Variants in CELF2 observed in about 807,000 individuals in gnomAD.
CELF2 encodes the protein CUG triplet repeat RNA-binding protein 2.
In CELF2, 8 loss-of-function variants were observed where a neutral mutation model predicts 62.6. The ratio of observed to expected loss-of-function variants is 0.13; its 90% CI spans 0.07 to 0.23. The LOEUF is 0.23. CELF2 is among the 10% of genes least tolerant of loss of function. CELF2 has a pLI of 1.00. For synonymous variants in CELF2, 258 were observed against 250.0 expected, an observed-to-expected ratio of 1.03 and a Z score of -0.30; for missense variants, 333 against 671.0, an observed-to-expected ratio of 0.50 and a Z score of 5.56.
At chr10:10,836,497 C>A (rs536675487) in intron 1 of CELF2, among the ~76,000 whole-genome samples, 1 of 152,152 alleles carries the variant, frequency 6.6e-6, no homozygotes, top group Non-Finnish European at 1.5e-5. Context: ...CAGGCAGAAG[C>A]CTTTCTAGAT....
chr10:11,229,657 TTGGCTCACTGCAACCTCCACC>T (rs1250222469), intron 3 of CELF2, among the ~76,000 whole-genome samples: 1 of 151,936 alleles, frequency 6.6e-6, no homozygotes, highest in Non-Finnish European at 1.5e-5. Flanking sequence ...TGGCGCAATC[TTGGCTCACTGCAACCTCCACC>T]TCCCAGGTTC....
chr10:10,655,442 GGA>G, the CELF2 span, among the ~76,000 whole-genome samples: 2 of 127,558 alleles, frequency 1.6e-5, no homozygotes, highest in East Asian at 4.0e-4. Context: ...GAACAAAGCT[GGA>G]GGCATCACAC....
At chr10:10,687,812 C>A in the CELF2 span, among the ~76,000 whole-genome samples, 1 of 152,340 alleles carries the variant, frequency 6.6e-6, no homozygotes, top group Non-Finnish European at 1.5e-5. Flanking sequence ...TGTTTACACT[C>A]TCCTACCCAC....
intron 2 of CELF2, among the ~76,000 whole-genome samples, chr10:10,966,063 A>C (rs2050091795): frequency 6.6e-6 from 1 of 152,256 alleles, no homozygotes; most frequent in African/African-American, 2.4e-5. Flanking sequence ...ATTTACTGCT[A>C]TCCAGCACCA....
the CELF2 span, among the ~76,000 whole-genome samples, chr10:10,673,836 G>T: frequency 6.6e-6 from 1 of 152,070 alleles, no homozygotes; most frequent in Admixed American, 6.6e-5. Context: ...TGATTTTCCA[G>T]CTCTCTTTTA....
At chr10:10,914,130 TTAA>T (rs1025340502) in intron 1 of CELF2, among the ~76,000 whole-genome samples, 11 of 74,442 alleles carry the variant, frequency 1.5e-4, no homozygotes, top group African/African-American at 3.8e-4. Flanking sequence ...TTACCTTTTT[TTAA>T]AAAAAAAAAA....
chr10:11,275,315 C>G (rs540009596), intron 8 of CELF2, among the ~76,000 whole-genome samples, 195 bp downstream of exon 8: 1 of 152,336 alleles, frequency 6.6e-6, no homozygotes, highest in South Asian at 2.1e-4. Flanking sequence ...ACCTACCCAC[C>G]TTCGCTGTGC....
chr10:10,670,012 C>T, the CELF2 span, among the ~76,000 whole-genome samples: 163 of 151,126 alleles, frequency 1.1e-3, no homozygotes, highest in African/African-American at 3.9e-3. Context: ...AAGCGATTCT[C>T]CTGCCTCAGC....
At chr10:10,698,885 A>G in the CELF2 span, among the ~76,000 whole-genome samples, 2 of 152,192 alleles carry the variant, frequency 1.3e-5, no homozygotes, top group Non-Finnish European at 1.5e-5. Context: ...AAATTCAGTA[A>G]TGAATTCTAT....
chr10:11,249,232 A>G (rs372360985), intron 4 of CELF2, 31 bp downstream of exon 4: 8 of 1,561,952 alleles, frequency 5.1e-6, no homozygotes, highest in Non-Finnish European at 6.2e-6. Context: ...TTGCTTAATA[A>G]TAATATCTGC....
chr10:11,229,353 C>T (rs1454011812), intron 3 of CELF2, among the ~76,000 whole-genome samples: 3 of 147,336 alleles, frequency 2.0e-5, no homozygotes, highest in Non-Finnish European at 4.4e-5. Context: ...ACCCAGAAAC[C>T]TAATAAGATT....
the CELF2 span, among the ~76,000 whole-genome samples, chr10:10,574,962 C>T: frequency 0.11 from 15,991 of 150,758 alleles, 1,026 homozygotes; most frequent in Non-Finnish European, 0.15. Context: ...AGGTGATCTA[C>T]CCACCTTGGC....
chr10:11,050,603 G>A (rs1361245910), intron 1 of CELF2, among the ~76,000 whole-genome samples: 1 of 152,150 alleles, frequency 6.6e-6, no homozygotes, highest in East Asian at 1.9e-4. Context: ...TTAATATTGG[G>A]TTGAGCACTT....
chr10:10,775,785 A>G, the CELF2 span, among the ~76,000 whole-genome samples: 1 of 152,202 alleles, frequency 6.6e-6, no homozygotes, highest in Admixed American at 6.5e-5. Flanking sequence ...ATCTTTAATA[A>G]CCTTGTAAAG....
the CELF2 span, among the ~76,000 whole-genome samples, chr10:10,770,804 T>C: frequency 6.6e-6 from 1 of 152,250 alleles, no homozygotes; most frequent in Admixed American, 6.5e-5. Flanking sequence ...AAGATGTTAA[T>C]GGATGATGAA....
chr10:10,832,902 T>C (rs1358187318), intron 1 of CELF2, among the ~76,000 whole-genome samples: 1 of 152,156 alleles, frequency 6.6e-6, no homozygotes, highest in Non-Finnish European at 1.5e-5. Context: ...GAAAACTGGC[T>C]TTCTCAGATA....
At chr10:11,235,160 GAC>G (rs2070697406) in intron 3 of CELF2, among the ~76,000 whole-genome samples, 1 of 146,558 alleles carries the variant, frequency 6.8e-6, no homozygotes, top group African/African-American at 2.4e-5. Context: ...CAGACATAAA[GAC>G]AAAAAAAACA....
chr10:11,219,412 G>T (rs2064170114), intron 3 of CELF2, among the ~76,000 whole-genome samples: 2 of 152,180 alleles, frequency 1.3e-5, no homozygotes, highest in African/African-American at 2.4e-5. Flanking sequence ...AGAATTCAGG[G>T]GAGGTGATGT....
chr10:10,525,824 T>A, the CELF2 span, among the ~76,000 whole-genome samples: 1 of 152,264 alleles, frequency 6.6e-6, no homozygotes, highest in Admixed American at 6.5e-5. Flanking sequence ...GATTGCATTT[T>A]CTTTGGATAT....
Sources: allele counts gnomAD v4.1 joint callset (sites outside exome capture counted in the v4.1 genomes callset), GRCh38; gene constraint gnomAD v4.1.1; transcripts MANE v1.5; gene names NCBI Gene and HGNC (gene_info 2026-07-23, HGNC 2026-07-21).